NUS1: variants seen among roughly 807,000 people sequenced by gnomAD.
NUS1 encodes dehydrodolichyl diphosphate synthase complex subunit NUS1.
For synonymous variants in NUS1, 135 were observed against 155.2 expected (o/e 0.87, Z 0.97); for missense variants, 292 against 382.9 (o/e 0.76, Z 1.98).
intron 1 of NUS1, among the ~76,000 whole-genome samples, chr6:117,676,565 C>G (rs1225764354): frequency 6.6e-6 from 1 of 151,936 alleles, no homozygotes; most frequent in African/African-American, 2.4e-5. Context: ...GCAACAAGAG[C>G]GAAACTCTGT....
chr6:117,681,737 A>C (rs1286450804), intron 1 of NUS1, among the ~76,000 whole-genome samples: 1 of 152,196 alleles, frequency 6.6e-6, no homozygotes, highest in African/African-American at 2.4e-5. Flanking sequence ...ACCTTTGTGT[A>C]GTTGACTTTT....
At chr6:117,691,558 G>GATATATATATGTAT in intron 1 of NUS1, among the ~76,000 whole-genome samples, 1 of 136,964 alleles carries the variant, frequency 7.3e-6, no homozygotes, top group East Asian at 2.1e-4. Flanking sequence ...CATAGATATA[G>GATATATATATGTAT]ATATATATAT....
At chr6:117,676,114 G>A (rs1562173017) in intron 1 of NUS1, 29 bp downstream of exon 1, 2 of 1,550,028 alleles carry the variant, frequency 1.3e-6, no homozygotes, top group Non-Finnish European at 8.7e-7. Flanking sequence ...GTGGGGGGTG[G>A]CCGAGGCGTC....
chr6:117,676,757 C>T (rs1450491489), intron 1 of NUS1, among the ~76,000 whole-genome samples: 1 of 152,154 alleles, frequency 6.6e-6, no homozygotes, highest in Non-Finnish European at 1.5e-5. Flanking sequence ...GGAATTTTAG[C>T]CATTCTGTGC....
chr6:117,702,898 T>C (rs1773431459), intron 3 of NUS1, among the ~76,000 whole-genome samples: 1 of 152,216 alleles, frequency 6.6e-6, no homozygotes, highest in Non-Finnish European at 1.5e-5. Flanking sequence ...ATAGTATCTT[T>C]TTTCTGTACT....
intron 3 of NUS1, among the ~76,000 whole-genome samples, chr6:117,696,699 A>G (rs1562180475): frequency 6.6e-6 from 1 of 152,180 alleles, no homozygotes; most frequent in Non-Finnish European, 1.5e-5. Flanking sequence ...AACACGAAGA[A>G]GAAATAGACT....
rs760187558 is a variant in NUS1 at position 117,694,163 on chromosome 6, C to T, written c.674C>T (p.Thr225Met). The T allele has an allele frequency of 3.1e-5, 49 of 1,598,742 alleles. No homozygotes were observed. The highest frequency in any genetic ancestry group is 8.1e-5 in the African/African-American group (6 of 74,132). ...QKRPTDLDVDTLASLLSSNGC... is the reference protein window; with the variant it reads ...QKRPTDLDVDMLASLLSSNGC... ...AGACCCACAGATTTGGATGTAGATA[C>T]GTTAGCCAGTTTACTTAGTAAGTTT... is the stretch of plus-strand genomic sequence containing the variant. The change falls in exon 3 of 5, where the codon ACG (threonine) becomes ATG (methionine). Residue 225 changes from threonine to methionine, a missense_variant. Thr to Met is a moderately conservative substitution (Grantham distance 81). Transcript: ENST00000368494.
intron 1 of NUS1, among the ~76,000 whole-genome samples, chr6:117,676,296 T>TG: frequency 6.6e-6 from 1 of 152,192 alleles, no homozygotes; most frequent in Non-Finnish European, 1.5e-5. Context: ...AAATATCCCT[T>TG]GGCCGGGCGC....
chr6:117,684,104 T>G (rs1773102231), intron 1 of NUS1, among the ~76,000 whole-genome samples: 1 of 152,218 alleles, frequency 6.6e-6, no homozygotes, highest in African/African-American at 2.4e-5. Context: ...TGTATGCCTT[T>G]GTCTTTCTGT....
At chr6:117,698,102 A>C (rs983498645) in intron 3 of NUS1, among the ~76,000 whole-genome samples, 2 of 152,156 alleles carry the variant, frequency 1.3e-5, no homozygotes, top group Non-Finnish European at 2.9e-5. Flanking sequence ...AAATTTACTG[A>C]AACAAGTGGT....
chr6:117,690,502 G>A (rs1460617153), intron 1 of NUS1, among the ~76,000 whole-genome samples: 1 of 152,088 alleles, frequency 6.6e-6, no homozygotes, highest in Non-Finnish European at 1.5e-5. Flanking sequence ...CAGGCACTGT[G>A]GTTGGCCCTG....
Position 117,707,250 on chromosome 6 carries a change from G to A in NUS1, c.*235G>A, listed in dbSNP as rs1562184208. 4.7e-6 allele frequency: 2 copies of A among 427,076 alleles called. No homozygotes were observed. The highest frequency in any genetic ancestry group is 2.0e-5 in the African/African-American group (1 of 49,488). 26.5% of individuals were successfully genotyped at this position (427,076 alleles called of 1,614,324 possible). A position where few individuals can be genotyped will look rare whatever the true frequency, so the allele number is the denominator to read the frequency against. ...ATAAACTTATAAATGGGGACGTATT[G>A]GAGAAGGAAATACATAGACCTACAA... On this transcript the variant is annotated 3_prime_UTR_variant, in exon 5 of 5. Transcript: ENST00000368494.
chr6:117,677,772 A>G (rs1773004887), intron 1 of NUS1, among the ~76,000 whole-genome samples: 1 of 152,210 alleles, frequency 6.6e-6, no homozygotes, highest in Admixed American at 6.5e-5. Context: ...GGAACTTGCT[A>G]AAGAACTCAG....
intron 1 of NUS1, among the ~76,000 whole-genome samples, chr6:117,678,011 C>G (rs992226834): frequency 1.3e-5 from 2 of 152,164 alleles, no homozygotes; most frequent in Non-Finnish European, 2.9e-5. Context: ...ATGACCGTGC[C>G]TACTAGTACA....
intron 3 of NUS1, among the ~76,000 whole-genome samples, chr6:117,698,345 C>T (rs1773350852): frequency 6.6e-6 from 1 of 151,982 alleles, no homozygotes; most frequent in African/African-American, 2.4e-5. Context: ...GATACTGCAA[C>T]TGATGCTACA....
Position 117,675,562 on chromosome 6 carries a change from G to A in NUS1, c.-109G>A. ...GTGGAAAGGGGTTCGGGCTCGGGGG[G>A]CGGGGGGACGCGGAGCGATGGCCCG... On this transcript the variant is annotated 5_prime_UTR_variant, in exon 1 of 5. Transcript: ENST00000368494. The A allele has an allele frequency of 1.7e-6, 2 of 1,159,050 alleles. No individual in the cohort carries two copies. Among genetic ancestry groups the A allele is most frequent in the Non-Finnish European group, 2.4e-6 (2 of 824,846 alleles). 71.8% of individuals were successfully genotyped at this position (1,159,050 alleles called of 1,614,324 possible). A position where few individuals can be genotyped will look rare whatever the true frequency, so the allele number is the denominator to read the frequency against.
At chr6:117,696,955 C>G (rs1773329077) in intron 3 of NUS1, among the ~76,000 whole-genome samples, 1 of 151,998 alleles carries the variant, frequency 6.6e-6, no homozygotes. Context: ...AACAACTTTT[C>G]AAGACATAGA....
At position 117,699,834 on chromosome 6, in the gene NUS1, C is replaced by A. The variant is rs188724315; in HGVS notation, c.692-3771C>A. Among the ~76,000 whole-genome samples, 116 of 152,104 alleles carry A rather than the reference C, an allele frequency of 7.6e-4. 1 individual carries two copies. The highest frequency in any genetic ancestry group is 2.6e-3 in the African/African-American group (110 of 41,526). On this transcript the variant is annotated intron_variant, in intron 3 of 4. Coordinates refer to ENST00000368494, the MANE Select transcript of NUS1 (RefSeq NM_138459.5). ...ACACAGAGAATAGACAATCTAGAGA[C>A]AATCTAGAGACAAATGCATACATCT...
rs1773553826 is a variant in NUS1 at position 117,710,099 on chromosome 6, A to G, written c.*3084A>G. ...ATTTTTACCGAATATGAAATTTCCA[A>G]ATTAAAAACGTATATGTGTACTCTT... On this transcript the variant is annotated 3_prime_UTR_variant, in exon 5 of 5. Transcript: ENST00000368494. 3 of 152,162 alleles carry G rather than the reference A, an allele frequency of 2.0e-5. No homozygotes were observed. Among genetic ancestry groups the G allele is most frequent in the African/African-American group, 7.2e-5 (3 of 41,458 alleles). The allele number at this position is 152,162 out of a possible 1,614,324, so 9.4% of individuals were successfully genotyped here.
Sources: gnomAD v4.1 joint callset for allele counts (sites outside exome capture counted in the v4.1 genomes callset) on GRCh38, gnomAD v4.1.1 for gene constraint, MANE v1.5 for transcripts, NCBI Gene and HGNC (gene_info 2026-07-23, HGNC 2026-07-21) for gene names.